Variants in FBXO16 observed in about 807,000 individuals in gnomAD.
FBXO16 encodes the protein F-box protein 16, also known as F-box only protein 16.
FBXO16 carries 31 observed loss-of-function variants against 41.0 expected under a neutral mutation model. The observed-to-expected ratio is 0.76, with a 90% CI of 0.57 to 1.02. The LOEUF (loss-of-function observed/expected upper bound fraction) is 1.02, where lower values mean the gene tolerates loss of function less well. Ranked by LOEUF, FBXO16 falls within the 50% of genes least tolerant of loss-of-function variation. FBXO16 has a pLI of 0.00. For synonymous variants in FBXO16, 133 were observed against 117.8 expected (o/e 1.13, Z -0.84); for missense variants, 361 against 346.2 (o/e 1.04, Z -0.34).
At position 28,448,303 on chromosome 8, in the gene FBXO16, C is replaced by T. The variant is rs561789368; in HGVS notation, c.741-1030G>A. Among the ~76,000 whole-genome samples, 32 of 142,920 alleles carry T rather than the reference C, an allele frequency of 2.2e-4. No homozygotes were observed. In the East Asian group the frequency reaches 5.2e-3, roughly 23 times the overall value. 93.8% of individuals were successfully genotyped at this position (142,920 alleles called of 152,430 possible). A position where few individuals can be genotyped will look rare whatever the true frequency, so the allele number is the denominator to read the frequency against. On this transcript the variant is annotated intron_variant, in intron 6 of 8. Transcript: ENST00000380254. ...CTGCAGTGAGCCATGACTGTGCTAC[C>T]GCACTCTAGCCTGGGCAACAGAGTG...
chr8:28,456,648 G>T, intron 5 of FBXO16, 118 bp downstream of exon 5: 3 of 1,141,324 alleles, frequency 2.6e-6, no homozygotes, highest in Non-Finnish European at 3.8e-6. Context: ...TGAAATCATA[G>T]TATATGTCCT....
At chr8:28,472,091 A>G (rs73557225) in intron 3 of FBXO16, among the ~76,000 whole-genome samples, 5,942 of 152,028 alleles carry the variant, frequency 0.039, 376 homozygotes, top group African/African-American at 0.14. Flanking sequence ...TCATCTTTCT[A>G]TTTTGGGGTT....
chr8:28,428,765 G>A (rs2130064689), intron 8 of FBXO16, 29 bp from the exon 9 acceptor site: 8 of 1,484,922 alleles, frequency 5.4e-6, no homozygotes, highest in Middle Eastern at 1.8e-4. Flanking sequence ...TCATGAAAGC[G>A]AGGGTTATTG....
At chr8:28,467,393 T>A (rs17059134) in intron 3 of FBXO16, among the ~76,000 whole-genome samples, 1 of 152,058 alleles carries the variant, frequency 6.6e-6, no homozygotes, top group Non-Finnish European at 1.5e-5. Flanking sequence ...ATCAGAAATA[T>A]GTCAGCCTCG....
chr8:28,455,353 C>T (rs1386443943), intron 5 of FBXO16, among the ~76,000 whole-genome samples: 1 of 152,066 alleles, frequency 6.6e-6, no homozygotes, highest in East Asian at 1.9e-4. Flanking sequence ...CCTCCCAACT[C>T]AGCCTCCCAA....
intron 7 of FBXO16, among the ~76,000 whole-genome samples, chr8:28,446,701 G>A (rs1453640790): frequency 6.6e-6 from 1 of 151,738 alleles, no homozygotes; most frequent in South Asian, 2.1e-4. Flanking sequence ...GAGAAACCCC[G>A]TCTCTACTAA....
intron 1 of FBXO16, among the ~76,000 whole-genome samples, chr8:28,489,953 C>G (rs1415008529): frequency 1.8e-4 from 28 of 152,204 alleles, no homozygotes. Context: ...TTCCGCTTAA[C>G]TAGTTTTTAA....
chr8:28,449,028 T>C (rs1006396266), intron 6 of FBXO16: 5 of 151,970 alleles, frequency 3.3e-5, no homozygotes, highest in African/African-American at 1.2e-4. Flanking sequence ...CAACCAGAAA[T>C]GATGTGCGTT....
At chr8:28,465,212 A>G (rs1453510790) in intron 3 of FBXO16, 1 of 164,024 alleles carries the variant, frequency 6.1e-6, no homozygotes, top group East Asian at 1.9e-4. Context: ...TAAAGATCTA[A>G]TTGGCTTTTA....
Position 28,430,927 on chromosome 8 carries a change from C to T in FBXO16, c.844-1524G>A, listed in dbSNP as rs192860001. The stretch of plus-strand genomic sequence containing the variant: ...GCAGAGGTGACAGTGAGCAAGACCG[C>T]GCCATTGCACTCCAGCCTGGGCAAC... On this transcript the variant is annotated intron_variant, in intron 7 of 8. Coordinates refer to ENST00000380254, the MANE Select transcript of FBXO16 (RefSeq NM_172366.4). 3.3e-3 allele frequency among the ~76,000 whole-genome samples: 498 copies of T among 152,134 alleles called. 1 individual carries two copies. The highest frequency in any genetic ancestry group is 0.01 in the African/African-American group (434 of 41,504).
intron 3 of FBXO16, among the ~76,000 whole-genome samples, chr8:28,465,799 T>C (rs1162898658): frequency 6.6e-6 from 1 of 150,482 alleles, no homozygotes; most frequent in Non-Finnish European, 1.5e-5. Flanking sequence ...TTTTTGTTGT[T>C]GTTGTTTTGT....
chr8:28,470,491 G>A (rs1249466925), intron 3 of FBXO16, among the ~76,000 whole-genome samples: 1 of 152,152 alleles, frequency 6.6e-6, no homozygotes, highest in Non-Finnish European at 1.5e-5. Context: ...CAAAGCGTAC[G>A]TGCATTTAAC....
At chr8:28,440,501 C>T (rs1276846804) in intron 7 of FBXO16, among the ~76,000 whole-genome samples, 1 of 152,180 alleles carries the variant, frequency 6.6e-6, no homozygotes, top group African/African-American at 2.4e-5. Flanking sequence ...GATTCTTAAA[C>T]CATTGTTCAT....
At chr8:28,440,932 A>G (rs993670476) in intron 7 of FBXO16, among the ~76,000 whole-genome samples, 1 of 152,242 alleles carries the variant, frequency 6.6e-6, no homozygotes, top group African/African-American at 2.4e-5. Flanking sequence ...ACAAGATGTC[A>G]GCTAGGGTCC....
At chr8:28,448,669 A>G (rs1244120617) in intron 6 of FBXO16, among the ~76,000 whole-genome samples, 2 of 152,218 alleles carry the variant, frequency 1.3e-5, no homozygotes, top group Non-Finnish European at 2.9e-5. Context: ...CAGACAGGGA[A>G]GTCAAACTGT....
chr8:28,441,722 G>C (rs995756437), intron 7 of FBXO16, among the ~76,000 whole-genome samples: 7 of 138,636 alleles, frequency 5.0e-5, no homozygotes, highest in African/African-American at 1.6e-4. Context: ...GGCAACAAGA[G>C]TGAAACTCCG....
intron 3 of FBXO16, among the ~76,000 whole-genome samples, chr8:28,473,446 G>A (rs953896621): frequency 6.6e-6 from 1 of 152,012 alleles, no homozygotes; most frequent in African/African-American, 2.4e-5. Context: ...ATGAGGGTGG[G>A]GCCCTCATGA....
rs1201159225 is a variant in FBXO16 at position 28,468,612 on chromosome 8, T to C, written c.136-4794A>G. Among the ~76,000 whole-genome samples, 3 of 152,134 alleles carry C rather than the reference T, an allele frequency of 2.0e-5. No homozygotes were observed. The East Asian group carries it at 5.8e-4, about 29-fold the overall frequency. ...TGAAAGGCCAACACGGAAGGAAGGA[T>C]TGCTTGAGCCCAGGAGTTCAAGACC... is the stretch of plus-strand genomic sequence containing the variant. On this transcript the variant is annotated intron_variant, in intron 3 of 8. Transcript: ENST00000380254.
chr8:28,465,328 G>A (rs1803217726), intron 3 of FBXO16: 1 of 427,926 alleles, frequency 2.3e-6, no homozygotes, highest in Admixed American at 2.5e-5. Context: ...ATGTGTTGAA[G>A]AAAGGAGAAA....
Sources: gnomAD v4.1 joint callset for allele counts (sites outside exome capture counted in the v4.1 genomes callset) on GRCh38, gnomAD v4.1.1 for gene constraint, MANE v1.5 for transcripts, NCBI Gene and HGNC (gene_info 2026-07-23, HGNC 2026-07-21) for gene names.